Variants in CHKA observed in about 807,000 individuals in gnomAD.
CHKA encodes CHETK-alpha.
CHKA carries 34 observed loss-of-function variants against 60.1 expected under a neutral mutation model. The ratio of observed to expected loss-of-function variants is 0.57; its 90% CI spans 0.43 to 0.75. The LOEUF is 0.75. Among genes scored for constraint, CHKA ranks in the 30% least tolerant of loss-of-function variants. The pLI is 0.00. For synonymous variants in CHKA, 217 were observed against 223.1 expected, an observed-to-expected ratio of 0.97 and a Z score of 0.24; for missense variants, 563 against 561.3, an observed-to-expected ratio of 1.00 and a Z score of -0.03.
intron 1 of CHKA, among the ~76,000 whole-genome samples, chr11:68,111,178 G>A (rs1858120267): frequency 1.3e-5 from 2 of 151,102 alleles, no homozygotes; most frequent in African/African-American, 2.4e-5. Context: ...TTGGGAGGCC[G>A]AGCTGGGCAG....
At chr11:68,085,382 C>T (rs1857147035) in intron 2 of CHKA, among the ~76,000 whole-genome samples, 1 of 151,842 alleles carries the variant, frequency 6.6e-6, no homozygotes, top group Admixed American at 6.6e-5. Context: ...GCCACCATAC[C>T]TAGCCTTTTT....
At chr11:68,065,922 C>A in intron 8 of CHKA, 28 bp from the exon 9 acceptor site, 1 of 1,508,054 alleles carries the variant, frequency 6.6e-7, no homozygotes, top group Non-Finnish European at 9.2e-7. Context: ...ACAGTGCACA[C>A]AATGAGGCAA....
chr11:68,087,803 C>A, intron 2 of CHKA, among the ~76,000 whole-genome samples: 1 of 151,950 alleles, frequency 6.6e-6, no homozygotes, highest in East Asian at 1.9e-4. Context: ...GCTTTGAGAC[C>A]TATAAATAAA....
In CHKA at chr11:68,121,140, G is replaced by A; in HGVS notation, c.38C>T (p.Pro13Leu). 8.3e-7 allele frequency: 1 copy of A among 1,211,834 alleles called. No individual in the cohort carries two copies. The highest frequency in any genetic ancestry group is 2.1e-5 in the South Asian group (1 of 47,452). 75.1% of individuals were successfully genotyped at this position (1,211,834 alleles called of 1,614,324 possible). A position where few individuals can be genotyped will look rare whatever the true frequency, so the allele number is the denominator to read the frequency against. Residue 13 changes from proline to leucine, a missense_variant, in exon 1 of 12, where the codon CCC (proline) becomes CTC (leucine). Transcript: ENST00000265689. ...GCTCAGCAGCAGCCCGAGCGGCGAG[G>A]GCTCCGCCTCGCCCCCGGTGCAGAA... ...TKFCTGGEAE[P>L]SPLGLLLSCG...
At chr11:68,057,063 GAC>G (rs1273191463) in intron 11 of CHKA, among the ~76,000 whole-genome samples, 1 of 152,162 alleles carries the variant, frequency 6.6e-6, no homozygotes, top group African/African-American at 2.4e-5. Flanking sequence ...TCCCCACGTA[GAC>G]AGTGTCGTAA....
chr11:68,082,529 A>T (rs780756061), intron 2 of CHKA: 1 of 152,634 alleles, frequency 6.6e-6, no homozygotes, highest in Non-Finnish European at 1.5e-5. Context: ...ACCTGTACCA[A>T]GGGTGGAAAG....
At chr11:68,065,446 T>C (rs1856409729) in intron 9 of CHKA, among the ~76,000 whole-genome samples, 1 of 152,222 alleles carries the variant, frequency 6.6e-6, no homozygotes, top group Non-Finnish European at 1.5e-5. Flanking sequence ...ACAACTGTAA[T>C]CCCAGCAGTT....
intron 2 of CHKA, among the ~76,000 whole-genome samples, chr11:68,096,556 T>C (rs550275562): frequency 6.6e-6 from 1 of 152,284 alleles, no homozygotes; most frequent in East Asian, 1.9e-4. Flanking sequence ...ACTCAAAGTT[T>C]TAAAGAAATC....
intron 11 of CHKA, among the ~76,000 whole-genome samples, chr11:68,058,518 CAT>C (rs1450141119): frequency 6.6e-6 from 1 of 152,140 alleles, no homozygotes; most frequent in African/African-American, 2.4e-5. Context: ...TTCCAATGTA[CAT>C]ATCTTACACT....
rs536168063 is a variant in CHKA, at chr11:68,062,959, C to CA, written c.1233-926dup. 4.0e-3 allele frequency among the ~76,000 whole-genome samples: 603 copies of CA among 152,100 alleles called. 3 individuals carry two copies. The highest frequency in any genetic ancestry group is 6.6e-3 in the Non-Finnish European group (452 of 67,976). Reference sequence around the variant, plus strand: ...ACAGTGACTTAAACAGCCATTCTACCAAAAAATGTCACAGGAGACCCCAAA... The same window carrying CA: ...ACAGTGACTTAAACAGCCATTCTACCAAAAAAATGTCACAGGAGACCCCAAA... On this transcript the variant is annotated intron_variant, in intron 10 of 11. Transcript: ENST00000265689.
At chr11:68,081,162 C>T (rs751708493) in intron 3 of CHKA, among the ~76,000 whole-genome samples, 3 of 152,168 alleles carry the variant, frequency 2.0e-5, no homozygotes, top group South Asian at 2.1e-4. Context: ...AATGCTGTTT[C>T]GATTGCCATA....
At chr11:68,117,518 A>C (rs1035584992) in intron 1 of CHKA, among the ~76,000 whole-genome samples, 2 of 152,026 alleles carry the variant, frequency 1.3e-5, no homozygotes, top group African/African-American at 2.4e-5. Context: ...GTGAAACCCT[A>C]TCTCTACCAA....
intron 11 of CHKA, among the ~76,000 whole-genome samples, chr11:68,060,849 CT>C (rs1426552475): frequency 6.6e-6 from 1 of 152,108 alleles, no homozygotes; most frequent in Middle Eastern, 3.2e-3. Context: ...ATGTCCCCTT[CT>C]TTTACCTAAT....
intron 2 of CHKA, among the ~76,000 whole-genome samples, chr11:68,085,525 A>G (rs1178122710): frequency 6.6e-6 from 1 of 152,140 alleles, no homozygotes; most frequent in South Asian, 2.1e-4. Flanking sequence ...CCAGCCTGAA[A>G]AAGATTTTTT....
At position 68,119,093 on chromosome 11, in the gene CHKA, G is replaced by A. The variant is rs534727485; in HGVS notation, c.350+1735C>T. Among the ~76,000 whole-genome samples the A allele has an allele frequency of 5.3e-5, 8 of 152,324 alleles. No homozygotes were observed. In the South Asian group the frequency reaches 1.7e-3, roughly 32 times the overall value. Reference sequence around the variant, plus strand: ...CTAAAATGATCGCCCTTCTAGTTGAGAATTTTCAGGCCTAACTAAAAGTAG... The same window carrying A: ...CTAAAATGATCGCCCTTCTAGTTGAAAATTTTCAGGCCTAACTAAAAGTAG... On this transcript the variant is annotated intron_variant, in intron 1 of 11. Coordinates refer to ENST00000265689, the MANE Select transcript of CHKA (RefSeq NM_001277.3).
chr11:68,077,268 C>T (rs749898743), intron 3 of CHKA, among the ~76,000 whole-genome samples: 3 of 152,084 alleles, frequency 2.0e-5, no homozygotes, highest in Non-Finnish European at 4.4e-5. Flanking sequence ...AGAGAACACC[C>T]AGGCACAAGC....
At position 68,097,128 on chromosome 11, in the gene CHKA, C is replaced by G. The variant is rs1332901524; in HGVS notation, c.353G>C (p.Gly118Ala). The change falls in exon 2 of 12, where the codon GGC (glycine) becomes GCC (alanine). Residue 118 changes from glycine to alanine, a missense_variant and splice_region_variant. Physicochemically the swap from Gly to Ala is moderately conservative, Grantham distance 60. Transcript: ENST00000265689. ...CTGGAACAGCATGTTGCTAAGGCCG[C>G]CTCTGTCAGAAATAAGAGGACAGTA... is the stretch of plus-strand genomic sequence containing the variant. ...EDEFHISVIR[G>A]GLSNMLFQCS... is the part of the protein sequence containing the mutation. 1.2e-6 allele frequency: 2 copies of G among 1,611,978 alleles called. No individual in the cohort carries two copies. Among genetic ancestry groups the G allele is most frequent in the African/African-American group, 2.7e-5 (2 of 74,858 alleles).
intron 1 of CHKA, among the ~76,000 whole-genome samples, chr11:68,113,632 T>C (rs1159700315): frequency 1.3e-5 from 2 of 151,204 alleles, no homozygotes; most frequent in Non-Finnish European, 2.9e-5. Context: ...GAGGCGGAGG[T>C]TGCAGTGAGC....
At position 68,121,017 on chromosome 11, in the gene CHKA, G is replaced by C; in HGVS notation, c.161C>G (p.Pro54Arg). 1 of 1,109,458 alleles carries C rather than the reference G, an allele frequency of 9.0e-7. No individual in the cohort carries two copies. The highest frequency in any genetic ancestry group is 1.1e-6 in the Non-Finnish European group (1 of 910,520). 68.7% of individuals were successfully genotyped at this position (1,109,458 alleles called of 1,614,324 possible). Reference sequence around the variant, plus strand: ...CGGCGGCGGAGGGGGCAGCGCGAGCGGCGGCTGTTGGCCGCCCAGCTGCTT... The same window carrying C: ...CGGCGGCGGAGGGGGCAGCGCGAGCCGCGGCTGTTGGCCGCCCAGCTGCTT... ...ESKQLGGQQP[P>R]LALPPPPPLP... The change falls in exon 1 of 12, where the codon CCG (proline) becomes CGG (arginine). Residue 54 changes from proline to arginine, a missense_variant. Pro to Arg is a moderately radical substitution (Grantham distance 103, BLOSUM62 -2). Transcript: ENST00000265689.
Sources: gnomAD v4.1 joint callset for allele counts (sites outside exome capture counted in the v4.1 genomes callset) on GRCh38, gnomAD v4.1.1 for gene constraint, MANE v1.5 for transcripts, NCBI Gene and HGNC (gene_info 2026-07-23, HGNC 2026-07-21) for gene names.